Variants in SSH1 observed in about 807,000 individuals in gnomAD.
SSH1 encodes the protein protein phosphatase Slingshot homolog 1.
Under a neutral mutation model 79.7 loss-of-function variants are expected in SSH1, and 43 were observed. The observed-to-expected ratio is 0.54, with a 90% confidence interval of 0.42 to 0.70. SSH1 has a LOEUF of 0.70. SSH1 is among the 30% of genes least tolerant of loss of function. The pLI is 0.00. For missense variants in SSH1, 1,206 were observed against 1,358.8 expected (o/e 0.89, Z 1.77); for synonymous variants, 599 against 538.3 (o/e 1.11, Z -1.56).
rs753357560 is a variant in SSH1 at position 108,792,839 on chromosome 12, G to A, written c.1350-10C>T. 3.7e-6 allele frequency: 6 copies of A among 1,612,980 alleles called. No homozygotes were observed. The highest frequency in any genetic ancestry group is 1.7e-5 in the Admixed American group (1 of 60,020). On this transcript the variant is annotated splice_polypyrimidine_tract_variant and intron_variant, in intron 13 of 14. Transcript: ENST00000326495. Reference sequence around the variant, plus strand: ...GTTGTGCCGCTGTTTGCTGCGGGGAGAGAGGGTAGAGGAAGGTGAGGGGAG... The same window carrying A: ...GTTGTGCCGCTGTTTGCTGCGGGGAAAGAGGGTAGAGGAAGGTGAGGGGAG...
At position 108,785,753 on chromosome 12, in the gene SSH1, G is replaced by A. The variant is rs1049904273; in HGVS notation, c.*2235C>T. On this transcript the variant is annotated 3_prime_UTR_variant, in exon 15 of 15. Coordinates refer to ENST00000326495, the MANE Select transcript of SSH1 (RefSeq NM_018984.4). ...AAATATATCATTCTCATACATAGACGTGGTTAAAAAACCAACAAAAGCCTG... is the reference window on the plus strand; with the variant it reads ...AAATATATCATTCTCATACATAGACATGGTTAAAAAACCAACAAAAGCCTG... 13 of 152,050 alleles carry A rather than the reference G, an allele frequency of 8.5e-5. No individual in the cohort carries two copies. The highest frequency in any genetic ancestry group is 2.7e-4 in the African/African-American group (11 of 41,430). The allele number at this position is 152,050 out of a possible 1,614,324, so 9.4% of individuals were successfully genotyped here. A position where few individuals can be genotyped will look rare whatever the true frequency, so the allele number is the denominator to read the frequency against.
At chr12:108,846,294 G>A (rs1335618575) in intron 2 of SSH1, among the ~76,000 whole-genome samples, 1 of 151,678 alleles carries the variant, frequency 6.6e-6, no homozygotes, top group East Asian at 1.9e-4. Flanking sequence ...TGGAAATGCT[G>A]GATTAAAAAA....
At chr12:108,832,278 C>T (rs868647738) in intron 2 of SSH1, among the ~76,000 whole-genome samples, 24 of 151,904 alleles carry the variant, frequency 1.6e-4, no homozygotes, top group African/African-American at 5.8e-4. Context: ...GCCTGGGAGA[C>T]AGAGGGAGAC....
intron 10 of SSH1, among the ~76,000 whole-genome samples, chr12:108,803,219 T>C (rs117567289): frequency 9.7e-4 from 148 of 152,306 alleles, no homozygotes; most frequent in South Asian, 2.3e-3. Flanking sequence ...TACCTCTGGA[T>C]TTGCGAGATC....
chr12:108,789,632 G>A (rs1354531906), intron 14 of SSH1, among the ~76,000 whole-genome samples: 1 of 152,154 alleles, frequency 6.6e-6, no homozygotes, highest in Non-Finnish European at 1.5e-5. Context: ...AGTCCCAGGG[G>A]AGAGAGGGAC....
intron 2 of SSH1, among the ~76,000 whole-genome samples, chr12:108,835,171 A>G (rs562490501): frequency 6.6e-6 from 1 of 152,324 alleles, no homozygotes; most frequent in East Asian, 1.9e-4. Flanking sequence ...GTGGACATCA[A>G]TAAATGTAAC....
At chr12:108,798,186 C>T (rs1260869958) in intron 13 of SSH1, among the ~76,000 whole-genome samples, 1 of 152,220 alleles carries the variant, frequency 6.6e-6, no homozygotes, top group Non-Finnish European at 1.5e-5. Context: ...GTAAATGAGG[C>T]ACCTCTGTCA....
chr12:108,856,875 G>A (rs1384581787), intron 1 of SSH1, among the ~76,000 whole-genome samples: 2 of 152,224 alleles, frequency 1.3e-5, no homozygotes, highest in African/African-American at 2.4e-5. Flanking sequence ...TGCACATCCA[G>A]TCACCCCTGG....
At chr12:108,806,245 G>A in intron 9 of SSH1, 56 bp downstream of exon 9, 1 of 1,519,522 alleles carries the variant, frequency 6.6e-7, no homozygotes, top group Non-Finnish European at 9.1e-7. Flanking sequence ...TTCGGGAGCA[G>A]GACACATGGA....
chr12:108,847,447 T>A (rs1029932409), intron 2 of SSH1, among the ~76,000 whole-genome samples: 2 of 152,182 alleles, frequency 1.3e-5, no homozygotes, highest in African/African-American at 4.8e-5. Context: ...GGTTCATCCA[T>A]TTAAACTGTT....
At chr12:108,792,892 G>C (rs2036575976) in intron 13 of SSH1, 63 bp from the exon 14 acceptor site, 22 of 1,603,878 alleles carry the variant, frequency 1.4e-5, no homozygotes, top group Admixed American at 3.4e-5. Context: ...GTGCTGGGAA[G>C]AGTATGCGGT....
chr12:108,819,277 T>C (rs2038023492), intron 3 of SSH1, among the ~76,000 whole-genome samples: 1 of 152,248 alleles, frequency 6.6e-6, no homozygotes, highest in Admixed American at 6.5e-5. Flanking sequence ...GGACGGCTTC[T>C]GAACTTCTCT....
intron 2 of SSH1, among the ~76,000 whole-genome samples, chr12:108,846,087 C>T (rs1303046622): frequency 6.6e-6 from 1 of 151,148 alleles, no homozygotes; most frequent in African/African-American, 2.4e-5. Context: ...GGGGGACTTC[C>T]AAGTGGAGAC....
rs2036257345 is a variant in SSH1 at position 108,785,842 on chromosome 12, G to A, written c.*2146C>T. The A allele has an allele frequency of 6.6e-6, 1 of 152,152 alleles. No homozygotes were observed. Among genetic ancestry groups the A allele is most frequent in the South Asian group, 2.1e-4 (1 of 4,830 alleles). 9.4% of individuals were successfully genotyped at this position (152,152 alleles called of 1,614,324 possible). ...TGATCTACCACATGAAATTTGATTTGGCAAAACATACCGAACTTGATATTT... is the reference window on the plus strand; with the variant it reads ...TGATCTACCACATGAAATTTGATTTAGCAAAACATACCGAACTTGATATTT... On this transcript the variant is annotated 3_prime_UTR_variant, in exon 15 of 15. Coordinates refer to ENST00000326495, the MANE Select transcript of SSH1 (RefSeq NM_018984.4).
chr12:108,826,047 C>T (rs910766565), intron 2 of SSH1: 3 of 429,688 alleles, frequency 7.0e-6, no homozygotes, highest in Admixed American at 3.0e-5. Context: ...AAAATCTTTT[C>T]GAGACAACAT....
At chr12:108,790,640 G>T (rs1340641514) in intron 14 of SSH1, among the ~76,000 whole-genome samples, 1 of 152,190 alleles carries the variant, frequency 6.6e-6, no homozygotes, top group African/African-American at 2.4e-5. Context: ...GCAGGGAAGT[G>T]GGGGAAATCC....
At chr12:108,795,717 G>A (rs1194548956) in intron 13 of SSH1, among the ~76,000 whole-genome samples, 9 of 152,006 alleles carry the variant, frequency 5.9e-5, no homozygotes, top group East Asian at 3.9e-4. Context: ...AAAATTAACC[G>A]GGTATTGTGG....
intron 1 of SSH1, 87 bp from the exon 2 acceptor site, chr12:108,852,765 T>G: frequency 6.2e-7 from 1 of 1,607,658 alleles, no homozygotes; most frequent in East Asian, 2.2e-5. Context: ...ACCCCGGTAC[T>G]GGAAAAAGAT....
intron 14 of SSH1, 57 bp downstream of exon 14, chr12:108,792,229 A>AT (rs1565969207): frequency 1.9e-6 from 3 of 1,613,824 alleles, no homozygotes; most frequent in Non-Finnish European, 2.5e-6. Flanking sequence ...AGGTAGGCCA[A>AT]TTAGAGTGGG....
Sources: gnomAD v4.1 joint callset for allele counts (sites outside exome capture counted in the v4.1 genomes callset) on GRCh38, gnomAD v4.1.1 for gene constraint, MANE v1.5 for transcripts, NCBI Gene and HGNC (gene_info 2026-07-23, HGNC 2026-07-21) for gene names.